Variants in ARFGEF3 observed in about 807,000 individuals in gnomAD.
The protein encoded by ARFGEF3 is brefeldin A-inhibited guanine nucleotide-exchange protein 3.
Under a neutral mutation model 221.7 loss-of-function variants are expected in ARFGEF3, and 96 were observed. That is an observed-to-expected ratio of 0.43 (90% CI 0.37 to 0.51). The LOEUF is 0.51. Among genes scored for constraint, ARFGEF3 ranks in the 20% least tolerant of loss-of-function variants. The pLI is 0.00. For synonymous variants in ARFGEF3, 1,145 were observed against 1,126.8 expected, an observed-to-expected ratio of 1.02 and a Z score of -0.32; for missense variants, 2,410 against 2,789.9, an observed-to-expected ratio of 0.86 and a Z score of 3.07.
rs1780461665 is a variant in ARFGEF3, at chr6:138,343,319, T to C, written c.*6833T>C. 6.6e-6 allele frequency: 1 copy of C among 152,212 alleles called. No homozygotes were observed. The highest frequency in any genetic ancestry group is 2.1e-4 in the South Asian group (1 of 4,836). The allele number at this position is 152,212 out of a possible 1,614,324, so 9.4% of individuals were successfully genotyped here. ...AATAAATATGCTGACTTCATTTAAATTAGTTTAGACTATTGTAGGAATGGA... is the reference window on the plus strand; with the variant it reads ...AATAAATATGCTGACTTCATTTAAACTAGTTTAGACTATTGTAGGAATGGA... On this transcript the variant is annotated 3_prime_UTR_variant, in exon 34 of 34. Transcript: ENST00000251691.
intron 1 of ARFGEF3, among the ~76,000 whole-genome samples, chr6:138,170,296 G>C (rs1179900632): frequency 1.3e-5 from 2 of 152,182 alleles, no homozygotes; most frequent in African/African-American, 4.8e-5. Context: ...ATTGTGTAAG[G>C]ATATTGAAAC....
chr6:138,261,688 A>C, intron 11 of ARFGEF3, 49 bp downstream of exon 11: 2 of 1,104,478 alleles, frequency 1.8e-6, no homozygotes, highest in Non-Finnish European at 2.5e-6. Flanking sequence ...TTTTCTGAAG[A>C]CTTTTAACCT....
intron 2 of ARFGEF3, among the ~76,000 whole-genome samples, chr6:138,198,226 C>T (rs1777467797): frequency 6.6e-6 from 1 of 152,086 alleles, no homozygotes; most frequent in South Asian, 2.1e-4. Context: ...TTCATATGCT[C>T]AACTTAATAA....
intron 31 of ARFGEF3, among the ~76,000 whole-genome samples, chr6:138,325,605 G>A (rs1405182873): frequency 6.6e-6 from 1 of 152,232 alleles, no homozygotes; most frequent in East Asian, 1.9e-4. Flanking sequence ...AGCTAGAAGT[G>A]AGAACAGAGA....
At position 138,180,601 on chromosome 6, in the gene ARFGEF3, G is replaced by A. The variant is rs531248709; in HGVS notation, c.137+9888G>A. 2.6e-5 allele frequency among the ~76,000 whole-genome samples: 4 copies of A among 152,210 alleles called. No homozygotes were observed. The South Asian group carries it at 8.3e-4, about 32-fold the overall frequency. On this transcript the variant is annotated intron_variant, in intron 2 of 33. Coordinates refer to ENST00000251691, the MANE Select transcript of ARFGEF3 (RefSeq NM_020340.5). ...TTTGCTGGTTACCATAAAAAAAAAG[G>A]CGGGCAGGTTGGGGGAGCTTTAAGA...
intron 12 of ARFGEF3, 76 bp downstream of exon 12, chr6:138,263,687 T>C (rs911536763): frequency 1.5e-6 from 2 of 1,307,774 alleles, no homozygotes; most frequent in Non-Finnish European, 2.1e-6. Flanking sequence ...ATTACTATCA[T>C]GCTTATAGTT....
chr6:138,166,146 T>A (rs950289324), intron 1 of ARFGEF3, among the ~76,000 whole-genome samples: 1 of 152,256 alleles, frequency 6.6e-6, no homozygotes, highest in Admixed American at 6.5e-5. Flanking sequence ...CTGCCGTTTA[T>A]GCTTCTTTGG....
rs1780457215 is a variant in ARFGEF3 at position 138,343,066 on chromosome 6, G to A, written c.*6580G>A. 6.6e-6 allele frequency: 1 copy of A among 152,060 alleles called. No individual in the cohort carries two copies. Among genetic ancestry groups the A allele is most frequent in the South Asian group, 2.1e-4 (1 of 4,824 alleles). The allele number at this position is 152,060 out of a possible 1,614,324, so 9.4% of individuals were successfully genotyped here. On this transcript the variant is annotated 3_prime_UTR_variant, in exon 34 of 34. Transcript: ENST00000251691. Reference sequence around the variant, plus strand: ...ATAAAAGTGAATCAGTGTGCTTTGGGAATTCAGTGAAATCATGTTAACTCA... The same window carrying A: ...ATAAAAGTGAATCAGTGTGCTTTGGAAATTCAGTGAAATCATGTTAACTCA...
At chr6:138,214,824 G>A (rs569461765) in intron 4 of ARFGEF3, among the ~76,000 whole-genome samples, 16 of 152,288 alleles carry the variant, frequency 1.1e-4, no homozygotes, top group Non-Finnish European at 1.9e-4. Flanking sequence ...CTGACAAATA[G>A]GAATGAGGTT....
At chr6:138,328,460 T>C (rs968079750) in intron 32 of ARFGEF3, among the ~76,000 whole-genome samples, 1 of 152,214 alleles carries the variant, frequency 6.6e-6, no homozygotes, top group African/African-American at 2.4e-5. Flanking sequence ...GACCTGTAGA[T>C]GACCATTTTC....
intron 14 of ARFGEF3, 141 bp downstream of exon 14, chr6:138,280,305 TC>T: frequency 1.3e-6 from 1 of 776,446 alleles, no homozygotes; most frequent in Non-Finnish European, 2.1e-6. Flanking sequence ...TGGTGACAGT[TC>T]CAGGGAAGTG....
rs754416001 is a variant in ARFGEF3, at chr6:138,308,764, T to C, written c.3999T>C (p.Asp1333=). 22 of 1,613,812 alleles carry C rather than the reference T, an allele frequency of 1.4e-5. No individual in the cohort carries two copies. The East Asian group carries it at 4.7e-4, about 34-fold the overall frequency. ...SMGKGQAPVF[D]VFEAFLNTDN... ...GAAAAGGCCAAGCTCCAGTGTTTGA[T>C]GTATTTGAAGCTTTTCTCAATACTG... Residue 1333 remains aspartate (D), a synonymous_variant, in exon 24 of 34, where the codon GAT becomes GAC. Transcript: ENST00000251691.
At position 138,311,361 on chromosome 6, in the gene ARFGEF3, A is replaced by G. The variant is rs781427029; in HGVS notation, c.4097-46A>G. On this transcript the variant is annotated intron_variant, in intron 24 of 33. Coordinates refer to ENST00000251691, the MANE Select transcript of ARFGEF3 (RefSeq NM_020340.5). Reference sequence around the variant, plus strand: ...AACAGGTCTCCTGTTACAGGGGGGCACGCAAGGGTAACACTGTTGGTCTCT... The same window carrying G: ...AACAGGTCTCCTGTTACAGGGGGGCGCGCAAGGGTAACACTGTTGGTCTCT... The G allele has an allele frequency of 4.0e-6, 5 of 1,243,432 alleles. No individual in the cohort carries two copies. The East Asian group carries it at 7.5e-5, about 19-fold the overall frequency. The allele number at this position is 1,243,432 out of a possible 1,614,324, so 77.0% of individuals were successfully genotyped here.
chr6:138,182,911 A>C (rs1468765230), intron 2 of ARFGEF3, among the ~76,000 whole-genome samples: 3 of 152,246 alleles, frequency 2.0e-5, no homozygotes, highest in Non-Finnish European at 4.4e-5. Context: ...TTTTCAGTTT[A>C]ATGAACTCCA....
In ARFGEF3 at chr6:138,255,682, G is replaced by A; in HGVS notation, c.1017G>A (p.Met339Ile). 6.2e-7 allele frequency: 1 copy of A among 1,613,388 alleles called. No individual in the cohort carries two copies. The highest frequency in any genetic ancestry group is 8.5e-7 in the Non-Finnish European group (1 of 1,179,662). ...GGCTGGTGGGGTCTGTGGACTCCAT[G>A]AAGCCCGTGCTCCAGTCCCTCTACC... ...LVRLVGSVDSMKPVLQSLYHR... is the reference protein window; with the variant it reads ...LVRLVGSVDSIKPVLQSLYHR... The change falls in exon 10 of 34, where the codon ATG (methionine) becomes ATA (isoleucine). Residue 339 changes from methionine to isoleucine, a missense_variant. Met to Ile is a conservative substitution (Grantham distance 10). This residue lies in a region of ARFGEF3 where 570 missense variants were observed against 586.9 expected (regional missense o/e 0.97). Coordinates refer to ENST00000251691, the MANE Select transcript of ARFGEF3 (RefSeq NM_020340.5).
chr6:138,236,566 C>T (rs565790235), intron 5 of ARFGEF3, among the ~76,000 whole-genome samples: 2 of 152,290 alleles, frequency 1.3e-5, no homozygotes, highest in African/African-American at 4.8e-5. Context: ...CCTCTACCTT[C>T]CCAGGCTGAG....
chr6:138,227,709 C>T (rs1374379464), intron 4 of ARFGEF3, among the ~76,000 whole-genome samples: 1 of 152,174 alleles, frequency 6.6e-6, no homozygotes, highest in Non-Finnish European at 1.5e-5. Flanking sequence ...TCCTGAGGGC[C>T]TTTCACAGGC....
intron 4 of ARFGEF3, among the ~76,000 whole-genome samples, chr6:138,213,156 C>T (rs1021015317): frequency 6.6e-5 from 10 of 151,740 alleles, no homozygotes; most frequent in African/African-American, 2.4e-4. Flanking sequence ...GGCATGGTGG[C>T]GGGTGCCTGT....
chr6:138,246,707 C>T (rs1003595877), intron 8 of ARFGEF3, among the ~76,000 whole-genome samples: 9 of 151,914 alleles, frequency 5.9e-5, no homozygotes, highest in African/African-American at 1.9e-4. Flanking sequence ...GGAGAGGAAA[C>T]GGGGAGATAT....
Sources: allele counts gnomAD v4.1 joint callset (sites outside exome capture counted in the v4.1 genomes callset), GRCh38; gene constraint gnomAD v4.1.1; regional missense constraint gnomAD v4.1.1; transcripts MANE v1.5; gene names NCBI Gene and HGNC (gene_info 2026-07-23, HGNC 2026-07-21).